Variants in RRM2B observed in about 807,000 individuals in gnomAD.
The protein encoded by RRM2B is ribonucleoside-diphosphate reductase subunit M2 B.
Under a neutral mutation model 45.9 loss-of-function variants are expected in RRM2B, and 20 were observed. That is an observed-to-expected ratio of 0.44 (90% CI 0.31 to 0.63). RRM2B has a LOEUF of 0.63. Ranked by LOEUF, RRM2B falls within the 30% of genes least tolerant of loss-of-function variation. The probability of loss-of-function intolerance (pLI) is 0.09; values close to 1 mark genes in which losing one functional copy is unlikely to be tolerated. For synonymous variants in RRM2B, 124 were observed against 132.3 expected (o/e 0.94, Z 0.43); for missense variants, 320 against 414.7 (o/e 0.77, Z 1.98).
At chr8:102,236,211 A>G (rs1257734382) in intron 1 of RRM2B, among the ~76,000 whole-genome samples, 1 of 152,182 alleles carries the variant, frequency 6.6e-6, no homozygotes, top group African/African-American at 2.4e-5. Context: ...ATCTTCAAAC[A>G]TCGGAGGTCT....
rs1811038934 is a variant in RRM2B, at chr8:102,232,023, T to A, written c.204+126A>T. 7.6e-6 allele frequency: 7 copies of A among 918,314 alleles called. No homozygotes were observed. In the Admixed American group the frequency reaches 1.3e-4, roughly 17 times the overall value. The allele number at this position is 918,314 out of a possible 1,614,324, so 56.9% of individuals were successfully genotyped here. ...AGAACATCATATTTAGTCTCAGTAATTCCAACACTTATCTTCTACAACTGA... is the reference window on the plus strand; with the variant it reads ...AGAACATCATATTTAGTCTCAGTAAATCCAACACTTATCTTCTACAACTGA... On this transcript the variant is annotated intron_variant, in intron 2 of 8. Coordinates refer to ENST00000251810, the MANE Select transcript of RRM2B (RefSeq NM_015713.5).
At chr8:102,234,127 TG>T (rs1811078625) in intron 1 of RRM2B, among the ~76,000 whole-genome samples, 1 of 152,236 alleles carries the variant, frequency 6.6e-6, no homozygotes, top group South Asian at 2.1e-4. Flanking sequence ...CTTTTGTTAC[TG>T]GAAGTTGGGA....
At chr8:102,226,378 A>C (rs1810932773) in intron 2 of RRM2B, among the ~76,000 whole-genome samples, 1 of 151,898 alleles carries the variant, frequency 6.6e-6, no homozygotes, top group African/African-American at 2.4e-5. Context: ...ATACACAATA[A>C]AATTTATCTT....
chr8:102,219,878 TAATA>T (rs1383051513), intron 5 of RRM2B, among the ~76,000 whole-genome samples: 1 of 152,116 alleles, frequency 6.6e-6, no homozygotes, highest in Non-Finnish European at 1.5e-5. Flanking sequence ...AGAAGTCACT[TAATA>T]AACAAGTCCT....
rs753289485 is a variant in RRM2B at position 102,225,041 on chromosome 8, T to A, written c.322-23A>T. ...CACCTAAGAAGATAAGGAAAATAGA[T>A]ATATCCAGTTCTATAGGCTCTCATT... On this transcript the variant is annotated intron_variant, in intron 3 of 8. Coordinates refer to ENST00000251810, the MANE Select transcript of RRM2B (RefSeq NM_015713.5). 17 of 1,613,314 alleles carry A rather than the reference T, an allele frequency of 1.1e-5. No individual in the cohort carries two copies. The East Asian group carries it at 3.8e-4, about 36-fold the overall frequency.
chr8:102,219,025 A>C, intron 5 of RRM2B, 78 bp from the exon 6 acceptor site: 1 of 1,386,870 alleles, frequency 7.2e-7, no homozygotes, highest in South Asian at 1.2e-5. Flanking sequence ...ATATATAACA[A>C]TAAATACCAC....
intron 7 of RRM2B, among the ~76,000 whole-genome samples, chr8:102,213,483 A>T (rs892559631): frequency 3.9e-5 from 6 of 152,188 alleles, no homozygotes; most frequent in Non-Finnish European, 7.4e-5. Context: ...TCCTCTTTCA[A>T]TATACAAACT....
rs560160244 is a variant in RRM2B, at chr8:102,237,701, C to T, written c.48+1126G>A. ...GTTAAGCCTGAATCACTGCTGGTGC[C>T]ATTAGCATAAACAGCAGTCTGAATT... On this transcript the variant is annotated intron_variant, in intron 1 of 8. Transcript: ENST00000251810. Among the ~76,000 whole-genome samples the T allele has an allele frequency of 9.6e-4, 146 of 152,292 alleles. 1 individual carries two copies. Among genetic ancestry groups the T allele is most frequent in the Middle Eastern group, 6.8e-3 (2 of 294 alleles).
intron 2 of RRM2B, among the ~76,000 whole-genome samples, chr8:102,228,182 ATGTCAGAGACTACGGT>A (rs1169075666): frequency 6.6e-6 from 1 of 152,206 alleles, no homozygotes; most frequent in African/African-American, 2.4e-5. Context: ...AAGCAGCTGG[ATGTCAGAGACTACGGT>A]TGGATGTCGG....
chr8:102,214,191 A>C, intron 6 of RRM2B, 33 bp from the exon 7 acceptor site: 1 of 1,421,530 alleles, frequency 7.0e-7, no homozygotes, highest in Non-Finnish European at 9.9e-7. Context: ...TTGTCAAATA[A>C]CTTTTAATCA....
chr8:102,217,552 G>C (rs1810752079), intron 6 of RRM2B, among the ~76,000 whole-genome samples: 1 of 152,162 alleles, frequency 6.6e-6, no homozygotes, highest in African/African-American at 2.4e-5. Flanking sequence ...AAGGTTCAGA[G>C]AAGTTAAGGA....
In RRM2B at chr8:102,204,969, G is replaced by A. The variant is rs1178447925; in HGVS notation, c.*3164C>T. 6 of 152,128 alleles carry A rather than the reference G, an allele frequency of 3.9e-5. No homozygotes were observed. Among genetic ancestry groups the A allele is most frequent in the African/African-American group, 1.4e-4 (6 of 41,418 alleles). 9.4% of individuals were successfully genotyped at this position (152,128 alleles called of 1,614,324 possible). A position where few individuals can be genotyped will look rare whatever the true frequency, so the allele number is the denominator to read the frequency against. ...TCTTCCTAATGCCTCGGGAATATGA[G>A]ATTCTCTTTCAAATCTTTAACTTTT... On this transcript the variant is annotated 3_prime_UTR_variant, in exon 9 of 9. Transcript: ENST00000251810.
At chr8:102,214,220 T>C in intron 6 of RRM2B, 62 bp from the exon 7 acceptor site, 1 of 1,114,678 alleles carries the variant, frequency 9.0e-7, no homozygotes, top group Non-Finnish European at 1.4e-6. Context: ...CATATGGTGA[T>C]GGGTCAAGCA....
At chr8:102,221,436 C>G (rs1176730090) in intron 5 of RRM2B, among the ~76,000 whole-genome samples, 3 of 152,164 alleles carry the variant, frequency 2.0e-5, no homozygotes, top group Admixed American at 6.5e-5. Context: ...CAAATCAGTT[C>G]ATGAAACAGC....
chr8:102,231,999 G>T, intron 2 of RRM2B, 150 bp downstream of exon 2: 1 of 748,592 alleles, frequency 1.3e-6, no homozygotes, highest in Non-Finnish European at 2.3e-6. Flanking sequence ...AAAACATTGA[G>T]AACATCATAT....
chr8:102,235,749 G>C (rs1011428131), intron 1 of RRM2B, among the ~76,000 whole-genome samples: 1 of 152,310 alleles, frequency 6.6e-6, no homozygotes, highest in African/African-American at 2.4e-5. Context: ...TGAGGCAGGA[G>C]AATCACTTGA....
At chr8:102,212,156 ATAT>A (rs1011483151) in intron 8 of RRM2B, among the ~76,000 whole-genome samples, 1 of 152,154 alleles carries the variant, frequency 6.6e-6, no homozygotes, top group Non-Finnish European at 1.5e-5. Context: ...TTTGTAGTAA[ATAT>A]TATTACTATC....
At chr8:102,238,687 G>A in intron 1 of RRM2B, 140 bp downstream of exon 1, 1 of 1,550,732 alleles carries the variant, frequency 6.4e-7, no homozygotes, top group South Asian at 1.2e-5. Context: ...TCGCAACGAC[G>A]AAGCCAGGCT....
intron 5 of RRM2B, among the ~76,000 whole-genome samples, chr8:102,222,841 A>G (rs1810859372): frequency 6.6e-6 from 1 of 152,228 alleles, no homozygotes; most frequent in South Asian, 2.1e-4. Flanking sequence ...GAAAATATAG[A>G]AACTTATATA....
Sources: gnomAD v4.1 joint callset for allele counts (sites outside exome capture counted in the v4.1 genomes callset) on GRCh38, gnomAD v4.1.1 for gene constraint, MANE v1.5 for transcripts, NCBI Gene and HGNC (gene_info 2026-07-23, HGNC 2026-07-21) for gene names.